PCDH15: variants seen among roughly 807,000 people sequenced by gnomAD.
PCDH15 encodes protocadherin-15.
PCDH15 carries 129 observed loss-of-function variants against 178.5 expected under a neutral mutation model. The ratio of observed to expected loss-of-function variants is 0.72; its 90% confidence interval spans 0.63 to 0.84. PCDH15 has a LOEUF of 0.84. PCDH15 is among the 40% of genes least tolerant of loss of function. The probability of loss-of-function intolerance (pLI) is 0.00; values close to 1 mark genes in which losing one functional copy is unlikely to be tolerated. For missense variants in PCDH15, 2,230 were observed against 2,099.9 expected (o/e 1.06, Z -1.21); for synonymous variants, 800 against 732.0 (o/e 1.09, Z -1.50).
At position 54,947,515 on chromosome 10, in the gene PCDH15, T is replaced by G. The variant is rs187671848; in HGVS notation, c.-79-50015A>C. ...CACAGCTAGTTACTGGCAGAACTAT[T>G]TCTTAAACCCAGATTTTCTGAAGCC... On this transcript the variant is annotated intron_variant, in intron 2 of 5. Transcript: ENST00000458638. 4.6e-5 allele frequency among the ~76,000 whole-genome samples: 7 copies of G among 152,044 alleles called. No individual in the cohort carries two copies. In the East Asian group the frequency reaches 1.4e-3, roughly 29 times the overall value.
intron 25 of PCDH15, among the ~76,000 whole-genome samples, chr10:53,905,016 AG>A (rs2082577648): frequency 6.6e-6 from 1 of 152,194 alleles, no homozygotes; most frequent in African/African-American, 2.4e-5. Flanking sequence ...GCAAAGAACA[AG>A]AACTTTGTCA....
intron 2 of PCDH15, among the ~76,000 whole-genome samples, chr10:55,406,459 A>G (rs1838199673): frequency 6.6e-6 from 1 of 152,146 alleles, no homozygotes; most frequent in Non-Finnish European, 1.5e-5. Context: ...GAGAGATTTC[A>G]TAATGGGCTA....
chr10:55,453,011 T>A (rs891750716), intron 2 of PCDH15, among the ~76,000 whole-genome samples: 10 of 152,322 alleles, frequency 6.6e-5, no homozygotes, highest in Admixed American at 5.2e-4. Context: ...CTGCATTTGT[T>A]GAATTTATAT....
At chr10:55,134,618 G>T (rs1838140548) in intron 2 of PCDH15, among the ~76,000 whole-genome samples, 1 of 152,014 alleles carries the variant, frequency 6.6e-6, no homozygotes, top group Non-Finnish European at 1.5e-5. Context: ...TTATCTTCTG[G>T]TTTTTGTTGT....
chr10:54,387,705 T>C (rs950679867), intron 3 of PCDH15, among the ~76,000 whole-genome samples: 1 of 152,216 alleles, frequency 6.6e-6, no homozygotes, highest in Non-Finnish European at 1.5e-5. Context: ...TTCCTGTTTC[T>C]TGCACATTAT....
chr10:54,887,835 A>G (rs1954386733), intron 3 of PCDH15, among the ~76,000 whole-genome samples: 1 of 152,132 alleles, frequency 6.6e-6, no homozygotes, highest in African/African-American at 2.4e-5. Flanking sequence ...ATTCCAGACA[A>G]AATGATAACT....
intron 9 of PCDH15, among the ~76,000 whole-genome samples, chr10:54,219,386 C>T (rs374718323): frequency 8.7e-5 from 13 of 149,696 alleles, no homozygotes; most frequent in East Asian, 4.0e-4. Flanking sequence ...GTCAGGAGAT[C>T]GAGACCATCC....
intron 21 of PCDH15, 138 bp from the exon 22 acceptor site, chr10:53,962,030 T>C: frequency 2.8e-6 from 2 of 707,900 alleles, no homozygotes; most frequent in Non-Finnish European, 4.7e-6. Flanking sequence ...CTTTCAGAGC[T>C]GAAATGTAGC....
intron 1 of PCDH15, among the ~76,000 whole-genome samples, chr10:54,759,884 T>C (rs1190890996): frequency 6.6e-6 from 1 of 152,214 alleles, no homozygotes; most frequent in Non-Finnish European, 1.5e-5. Context: ...TTCACTACTA[T>C]GCCCTGAGCA....
rs1360671221 is a variant in PCDH15 at position 54,236,890 on chromosome 10, G to A, written c.918C>T (p.Ala306=). ...GTTGAATATTCCGGTCCTGATCAAT[G>A]GCTTGGATTGGTGGCGTAACAATAA... ...NPIIVTPPIQ[A]IDQDRNIQPP... is the part of the protein sequence containing the mutation. Residue 306 remains alanine (A), a synonymous_variant, in exon 9 of 38, where the codon GCC becomes GCT. Coordinates refer to ENST00000644397, the MANE Select transcript of PCDH15 (RefSeq NM_001384140.1). The A allele has an allele frequency of 1.2e-6, 2 of 1,613,640 alleles. No individual in the cohort carries two copies. Among genetic ancestry groups the A allele is most frequent in the Admixed American group, 1.7e-5 (1 of 60,002 alleles).
At chr10:54,396,872 A>AT (rs1467139632) in intron 3 of PCDH15, among the ~76,000 whole-genome samples, 1 of 151,992 alleles carries the variant, frequency 6.6e-6, no homozygotes, top group African/African-American at 2.4e-5. Context: ...CTTTATTCTG[A>AT]TTTTTTTCCA....
intron 1 of PCDH15, among the ~76,000 whole-genome samples, chr10:55,186,201 C>T (rs371253128): frequency 6.6e-6 from 1 of 151,220 alleles, no homozygotes. Context: ...TTTAGTCATA[C>T]AGATAAATAA....
At chr10:54,014,199 C>A (rs537332747) in intron 20 of PCDH15, among the ~76,000 whole-genome samples, 1 of 152,148 alleles carries the variant, frequency 6.6e-6, no homozygotes. Flanking sequence ...AACCATTCAA[C>A]CTCCCAAGTT....
At chr10:55,043,324 T>C (rs1840914758) in intron 2 of PCDH15, among the ~76,000 whole-genome samples, 1 of 152,080 alleles carries the variant, frequency 6.6e-6, no homozygotes, top group African/African-American at 2.4e-5. Flanking sequence ...AGATGCAGGA[T>C]TATATCTGGA....
intron 2 of PCDH15, among the ~76,000 whole-genome samples, chr10:54,984,337 C>T (rs1226150370): frequency 1.3e-5 from 2 of 152,174 alleles, no homozygotes; most frequent in African/African-American, 4.8e-5. Flanking sequence ...ACAGTAGTCA[C>T]TCTCTCCCTT....
At chr10:54,878,737 G>GGT (rs1954200735) in intron 3 of PCDH15, among the ~76,000 whole-genome samples, 2 of 152,088 alleles carry the variant, frequency 1.3e-5, no homozygotes, top group African/African-American at 4.8e-5. Context: ...GTAAATGTGT[G>GGT]CCATGGTGGT....
At chr10:55,339,774 A>G (rs1844498934) in intron 2 of PCDH15, among the ~76,000 whole-genome samples, 1 of 152,112 alleles carries the variant, frequency 6.6e-6, no homozygotes, top group Non-Finnish European at 1.5e-5. Context: ...TCTAATTTTA[A>G]ATAAAAATTT....
intron 2 of PCDH15, among the ~76,000 whole-genome samples, chr10:55,111,517 T>A (rs1234424037): frequency 6.6e-6 from 1 of 151,734 alleles, no homozygotes; most frequent in Non-Finnish European, 1.5e-5. Context: ...CAATTGGGAG[T>A]CCAGAGATAC....
chr10:54,019,157 A>C (rs557787200), intron 20 of PCDH15, among the ~76,000 whole-genome samples: 1 of 152,150 alleles, frequency 6.6e-6, no homozygotes, highest in Non-Finnish European at 1.5e-5. Flanking sequence ...GCAGAAAAAA[A>C]CACTTTAAAT....
Sources: allele counts gnomAD v4.1 joint callset (sites outside exome capture counted in the v4.1 genomes callset), GRCh38; gene constraint gnomAD v4.1.1; transcripts MANE v1.5; gene names NCBI Gene and HGNC (gene_info 2026-07-23, HGNC 2026-07-21).